The following RPS15A variants were observed in gnomAD, a reference collection of about 807,000 sequenced individuals.
RPS15A encodes small ribosomal subunit protein uS8.
For missense variants in RPS15A, 62 were observed against 163.4 expected, an observed-to-expected ratio of 0.38 and a Z score of 3.38; for synonymous variants, 55 against 58.5, an observed-to-expected ratio of 0.94 and a Z score of 0.27.
Position 18,782,746 on chromosome 16 carries a change from ACTGAAATAC to A in RPS15A, c.*254_*262del. 1 of 287,046 alleles carries A rather than the reference ACTGAAATAC, an allele frequency of 3.5e-6. No individual in the cohort carries two copies. Among genetic ancestry groups the A allele is most frequent in the Non-Finnish European group, 6.5e-6 (1 of 154,916 alleles). 17.8% of individuals were successfully genotyped at this position (287,046 alleles called of 1,614,324 possible). Reference sequence around the variant, plus strand: ...CCAAAAAAGAAAAAAAAAAAAAAAAACTGAAATACAACTAAAATATTTAGTGTCAAATAC... The same window carrying A: ...CCAAAAAAGAAAAAAAAAAAAAAAAAAACTAAAATATTTAGTGTCAAATAC... On this transcript the variant is annotated 3_prime_UTR_variant, in exon 5 of 5. Transcript: ENST00000322989.
chr16:18,789,590 G>A (rs979638572), intron 1 of RPS15A, among the ~76,000 whole-genome samples: 1 of 152,164 alleles, frequency 6.6e-6, no homozygotes, highest in Non-Finnish European at 1.5e-5. Context: ...CTTTAAATCA[G>A]TTCACTCTCA....
chr16:18,788,235 C>T, intron 2 of RPS15A, 93 bp from the exon 3 acceptor site: 2 of 799,012 alleles, frequency 2.5e-6, no homozygotes, highest in South Asian at 1.5e-5. Flanking sequence ...ACTCTCCCAT[C>T]ACCTCAGTGA....
At chr16:18,783,801 C>T (rs1331581508) in intron 4 of RPS15A, 2 of 430,750 alleles carry the variant, frequency 4.6e-6, no homozygotes, top group Non-Finnish European at 9.4e-6. Context: ...GGAACTATTA[C>T]CACTTTTACG....
chr16:18,787,882 C>A (rs911443907), intron 3 of RPS15A, among the ~76,000 whole-genome samples, 181 bp downstream of exon 3: 2 of 152,210 alleles, frequency 1.3e-5, no homozygotes, highest in African/African-American at 4.8e-5. Flanking sequence ...TGACATAATC[C>A]TAGCACAATC....
chr16:18,787,208 G>A (rs567338024), intron 3 of RPS15A, among the ~76,000 whole-genome samples: 1 of 152,288 alleles, frequency 6.6e-6, no homozygotes, highest in Admixed American at 6.5e-5. Context: ...CACCTTCTGG[G>A]TCTCTTTCCC....
Position 18,782,422 on chromosome 16 carries a change from T to C in RPS15A, c.*587A>G, listed in dbSNP as rs1051408011. On this transcript the variant is annotated 3_prime_UTR_variant, in exon 5 of 5. Transcript: ENST00000322989. ...GCAAAACAAATTCATCAAAAACTAA[T>C]AGAAAATACTGAAATATAGGCCAGG... 1.3e-5 allele frequency: 2 copies of C among 149,650 alleles called. No individual in the cohort carries two copies. The highest frequency in any genetic ancestry group is 4.9e-5 in the African/African-American group (2 of 40,456). The allele number at this position is 149,650 out of a possible 1,614,324, so 9.3% of individuals were successfully genotyped here.
chr16:18,783,506 T>A (rs1261297807), intron 4 of RPS15A: 2 of 368,930 alleles, frequency 5.4e-6, no homozygotes, highest in Non-Finnish European at 1.1e-5. Context: ...TATGGAGACG[T>A]TCATTTGTAC....
In RPS15A at chr16:18,790,296, A is replaced by T. The variant is rs1357007448; in HGVS notation, c.-58T>A. 6.6e-6 allele frequency: 1 copy of T among 152,272 alleles called. No individual in the cohort carries two copies. The highest frequency in any genetic ancestry group is 2.4e-5 in the African/African-American group (1 of 41,398). The allele number at this position is 152,272 out of a possible 1,614,324, so 9.4% of individuals were successfully genotyped here. ...AGACGGATGAAATTGGAGCTCTCAG[A>T]GAGTGCTACTCACCGGCGCGGAAAG... On this transcript the variant is annotated 5_prime_UTR_variant, in exon 1 of 5. Transcript: ENST00000322989.
At chr16:18,786,944 A>T (rs1031330014) in intron 3 of RPS15A, 1 of 152,222 alleles carries the variant, frequency 6.6e-6, no homozygotes, top group Non-Finnish European at 1.5e-5. Flanking sequence ...AGCTCACTGT[A>T]ACCTCCGCCT....
intron 4 of RPS15A, chr16:18,783,697 A>G: frequency 2.2e-6 from 1 of 456,088 alleles, no homozygotes; most frequent in Non-Finnish European, 4.4e-6. Flanking sequence ...CAGACGCATA[A>G]TTTGGAGGGT....
chr16:18,784,095 T>G, intron 4 of RPS15A: 1 of 181,078 alleles, frequency 5.5e-6, no homozygotes, highest in East Asian at 1.5e-4. Flanking sequence ...ATGTGGCAAA[T>G]AGCCAGGCAC....
chr16:18,788,315 T>C (rs1242674287), intron 2 of RPS15A, among the ~76,000 whole-genome samples, 173 bp from the exon 3 acceptor site: 3 of 152,186 alleles, frequency 2.0e-5, no homozygotes, highest in Non-Finnish European at 4.4e-5. Flanking sequence ...ACCTAACATA[T>C]AAGAATTGGG....
chr16:18,789,104 T>C lies in RPS15A; in HGVS notation c.10A>G (p.Met4Val). 6 of 1,613,102 alleles carry C rather than the reference T, an allele frequency of 3.7e-6. No homozygotes were observed. Among genetic ancestry groups the C allele is most frequent in the Non-Finnish European group, 4.2e-6 (5 of 1,179,636 alleles). The change falls in exon 2 of 5, where the codon ATG becomes GTG. Residue 4 changes from methionine (M) to valine (V), a missense_variant. Physicochemically the swap from Met to Val is conservative, Grantham distance 21. Transcript: ENST00000322989. MVRMNVLADALKSI... is the reference protein window; with the variant it reads MVRVNVLADALKSI... Reference sequence around the variant, plus strand: ...TTGAGAGCATCTGCCAGGACATTCATGCGCACCATTGTGGCTGTTCAAGGA... The same window carrying C: ...TTGAGAGCATCTGCCAGGACATTCACGCGCACCATTGTGGCTGTTCAAGGA...
At chr16:18,787,966 G>A (rs888572302) in intron 3 of RPS15A, 97 bp downstream of exon 3, 2 of 773,742 alleles carry the variant, frequency 2.6e-6, no homozygotes, top group African/African-American at 3.5e-5. Context: ...AATCAAGTAT[G>A]GCACCACTAC....
chr16:18,783,258 C>T (rs1413879772), intron 4 of RPS15A, 156 bp from the exon 5 acceptor site: 5 of 576,752 alleles, frequency 8.7e-6, no homozygotes, highest in East Asian at 5.8e-5. Context: ...CCTCATGTAG[C>T]GTATGAGCCA....
In RPS15A at chr16:18,782,834, A is replaced by C. The variant is rs1180507982; in HGVS notation, c.*175T>G. ...GTTTCTTAGGCATACTGGTTTCATA[A>C]GAACTTTTTCCCTTGGCTGTATTAG... On this transcript the variant is annotated 3_prime_UTR_variant, in exon 5 of 5. Coordinates refer to ENST00000322989, the MANE Select transcript of RPS15A (RefSeq NM_001019.5). 1 of 542,592 alleles carries C rather than the reference A, an allele frequency of 1.8e-6. No individual in the cohort carries two copies. Among genetic ancestry groups the C allele is most frequent in the Non-Finnish European group, 3.3e-6 (1 of 307,446 alleles). 33.6% of individuals were successfully genotyped at this position (542,592 alleles called of 1,614,324 possible). A position where few individuals can be genotyped will look rare whatever the true frequency, so the allele number is the denominator to read the frequency against.
intron 4 of RPS15A, 106 bp downstream of exon 4, chr16:18,784,632 C>G: frequency 1.3e-6 from 1 of 795,622 alleles, no homozygotes. Context: ...AGACAAATTA[C>G]CACTGCTTTG....
intron 4 of RPS15A, 113 bp from the exon 5 acceptor site, chr16:18,783,215 C>T: frequency 1.5e-6 from 1 of 672,976 alleles, no homozygotes. Flanking sequence ...CTGTGGGGCA[C>T]ATAGGAACTG....
intron 3 of RPS15A, among the ~76,000 whole-genome samples, chr16:18,787,445 G>C (rs1459796990): frequency 6.6e-6 from 1 of 152,142 alleles, no homozygotes; most frequent in African/African-American, 2.4e-5. Flanking sequence ...CTGCCTCCTT[G>C]CAAATCTGAA....
Sources: gnomAD v4.1 joint callset for allele counts (sites outside exome capture counted in the v4.1 genomes callset) on GRCh38, gnomAD v4.1.1 for gene constraint, MANE v1.5 for transcripts, NCBI Gene and HGNC (gene_info 2026-07-23, HGNC 2026-07-21) for gene names.